Variants in FAM133B observed in about 807,000 individuals in gnomAD.
FAM133B encodes protein FAM133B.
In FAM133B, 25 loss-of-function variants were observed where a neutral mutation model predicts 46.4. The observed-to-expected ratio is 0.54, with a 90% confidence interval of 0.39 to 0.75. FAM133B has a LOEUF of 0.75. FAM133B is among the 30% of genes least tolerant of loss of function. The pLI, the probability that FAM133B is intolerant of heterozygous loss-of-function variation, is 0.00. For missense variants in FAM133B, 205 were observed against 277.6 expected, an observed-to-expected ratio of 0.74 and a Z score of 1.86; for synonymous variants, 75 against 86.0, an observed-to-expected ratio of 0.87 and a Z score of 0.71.
At chr7:92,586,216 C>G (rs1345195954) in intron 1 of FAM133B, among the ~76,000 whole-genome samples, 1 of 152,196 alleles carries the variant, frequency 6.6e-6, no homozygotes, top group African/African-American at 2.4e-5. Flanking sequence ...CAAACACTAT[C>G]TCAGTCTGCT....
intron 8 of FAM133B, among the ~76,000 whole-genome samples, chr7:92,570,327 T>G (rs1358323167): frequency 2.6e-5 from 4 of 152,118 alleles, no homozygotes; most frequent in African/African-American, 9.6e-5. Flanking sequence ...AATCTCTATG[T>G]AGTAATTCCT....
chr7:92,565,324 ATTTTTT>A (rs1361599092), intron 10 of FAM133B, among the ~76,000 whole-genome samples: 1 of 127,690 alleles, frequency 7.8e-6, no homozygotes, highest in African/African-American at 2.9e-5. Flanking sequence ...TAATTTTTGT[ATTTTTT>A]TTTTTAGTAG....
intron 9 of FAM133B, among the ~76,000 whole-genome samples, chr7:92,567,424 G>A (rs150411749): frequency 2.2e-3 from 332 of 152,012 alleles, no homozygotes; most frequent in African/African-American, 7.3e-3. Context: ...AAGTGACTAC[G>A]ACATTAAATA....
rs1472032817 is a variant in FAM133B at position 92,579,524 on chromosome 7, T to C, written c.123-129A>G. The C allele has an allele frequency of 1.1e-5, 7 of 632,842 alleles. No homozygotes were observed. In the Admixed American group the frequency reaches 1.4e-4, roughly 12 times the overall value. 39.2% of individuals were successfully genotyped at this position (632,842 alleles called of 1,614,324 possible). ...AGACTTCTATTCAATGTTGGTAACA[T>C]TTCAATTTCTTTGTTCACGTTTATA... is the stretch of plus-strand genomic sequence containing the variant. On this transcript the variant is annotated intron_variant, in intron 2 of 10. Coordinates refer to ENST00000445716, the MANE Select transcript of FAM133B (RefSeq NM_152789.4).
intron 1 of FAM133B, among the ~76,000 whole-genome samples, chr7:92,587,183 G>C (rs1008052627): frequency 2.0e-5 from 3 of 152,122 alleles, no homozygotes; most frequent in African/African-American, 7.2e-5. Context: ...GAAATTCACT[G>C]GGGCTTTTTT....
chr7:92,586,156 C>A (rs528940096), intron 1 of FAM133B, among the ~76,000 whole-genome samples: 5 of 152,256 alleles, frequency 3.3e-5, no homozygotes, highest in Middle Eastern at 3.4e-3. Context: ...ACTACGGGTA[C>A]AATTACATGA....
chr7:92,574,932 T>A (rs1794650950), intron 8 of FAM133B, among the ~76,000 whole-genome samples: 3 of 148,982 alleles, frequency 2.0e-5, no homozygotes, highest in Admixed American at 6.6e-5. Flanking sequence ...AAAAAATATG[T>A]AAATTCTGAG....
chr7:92,570,112 C>T (rs1020849735), intron 8 of FAM133B, among the ~76,000 whole-genome samples, 197 bp from the exon 9 acceptor site: 3 of 151,980 alleles, frequency 2.0e-5, no homozygotes, highest in Non-Finnish European at 2.9e-5. Context: ...AAAGAAATAA[C>T]TACATATCCA....
At chr7:92,567,761 G>T (rs1401582951) in intron 9 of FAM133B, among the ~76,000 whole-genome samples, 1 of 151,962 alleles carries the variant, frequency 6.6e-6, no homozygotes, top group Non-Finnish European at 1.5e-5. Context: ...TTACAATACA[G>T]AAACTAAAAT....
intron 1 of FAM133B, among the ~76,000 whole-genome samples, chr7:92,582,510 ATGTT>A (rs1029095718): frequency 4.6e-5 from 7 of 152,312 alleles, no homozygotes; most frequent in African/African-American, 1.7e-4. Flanking sequence ...AAAATGTAAA[ATGTT>A]TGTGCATCAA....
intron 1 of FAM133B, chr7:92,585,524 C>G: frequency 4.9e-6 from 1 of 204,788 alleles, no homozygotes; most frequent in Non-Finnish European, 8.6e-6. Context: ...ACCCAAATAG[C>G]TATCAAACTG....
chr7:92,582,635 TAAC>T (rs1032719546), intron 1 of FAM133B, among the ~76,000 whole-genome samples: 3 of 152,012 alleles, frequency 2.0e-5, no homozygotes, highest in Non-Finnish European at 2.9e-5. Flanking sequence ...TCCTACAACT[TAAC>T]AACAACAAAA....
At chr7:92,573,010 C>A (rs1794579281) in intron 8 of FAM133B, among the ~76,000 whole-genome samples, 1 of 151,334 alleles carries the variant, frequency 6.6e-6, no homozygotes, top group Non-Finnish European at 1.5e-5. Flanking sequence ...CTTCCCATTC[C>A]AGTAGGTATA....
chr7:92,587,157 A>G (rs1483259970), intron 1 of FAM133B, among the ~76,000 whole-genome samples: 1 of 152,216 alleles, frequency 6.6e-6, no homozygotes, highest in Non-Finnish European at 1.5e-5. Context: ...TAAAAATTAA[A>G]AAAACTGTTC....
intron 1 of FAM133B, among the ~76,000 whole-genome samples, chr7:92,582,293 C>CATAACATAACATAATATAACATAA (rs1554390068): frequency 7.1e-6 from 1 of 140,814 alleles, no homozygotes; most frequent in African/African-American, 2.8e-5. Context: ...CATAACATAA[C>CATAACATAACATAATATAACATAA]ATAACATAAA....
intron 1 of FAM133B, among the ~76,000 whole-genome samples, chr7:92,586,082 C>CAT (rs1365561017): frequency 1.3e-5 from 2 of 152,156 alleles, no homozygotes; most frequent in African/African-American, 4.8e-5. Flanking sequence ...TCATAAAGTA[C>CAT]ATACCAACCT....
At chr7:92,572,969 CAAT>C (rs1167197965) in intron 8 of FAM133B, among the ~76,000 whole-genome samples, 1 of 151,208 alleles carries the variant, frequency 6.6e-6, no homozygotes, top group Non-Finnish European at 1.5e-5. Context: ...GAAGGAAACA[CAAT>C]GTTACCATTT....
At chr7:92,582,655 C>G (rs1794924114) in intron 1 of FAM133B, among the ~76,000 whole-genome samples, 1 of 151,754 alleles carries the variant, frequency 6.6e-6, no homozygotes, top group Non-Finnish European at 1.5e-5. Flanking sequence ...AAAAAAACTC[C>G]AAGTAATTAA....
intron 1 of FAM133B, chr7:92,589,939 G>A (rs908643587): frequency 2.3e-6 from 1 of 440,910 alleles, no homozygotes; most frequent in South Asian, 2.8e-5. Flanking sequence ...GGCGGGGCCA[G>A]GTGTGGGGGG....
Sources: gnomAD v4.1 joint callset for allele counts (sites outside exome capture counted in the v4.1 genomes callset) on GRCh38, gnomAD v4.1.1 for gene constraint, MANE v1.5 for transcripts, NCBI Gene and HGNC (gene_info 2026-07-23, HGNC 2026-07-21) for gene names.